HCN1: variants seen among roughly 807,000 people sequenced by gnomAD.
HCN1 encodes hyperpolarization activated cyclic nucleotide gated potassium channel 1.
Under a neutral mutation model 78.9 loss-of-function variants are expected in HCN1, and 13 were observed. The observed-to-expected ratio is 0.16, with a 90% CI of 0.11 to 0.26. The LOEUF (loss-of-function observed/expected upper bound fraction) is 0.26. HCN1 is among the 10% of genes least tolerant of loss of function. HCN1 has a pLI of 1.00. For missense variants in HCN1, 810 were observed against 1,154.3 expected (o/e 0.70, Z 4.32); for synonymous variants, 552 against 455.5 (o/e 1.21, Z -2.70).
chr5:45,607,744 C>T (rs1744751574), intron 2 of HCN1, among the ~76,000 whole-genome samples: 1 of 151,386 alleles, frequency 6.6e-6, no homozygotes, highest in Non-Finnish European at 1.5e-5. Context: ...CAACTTACTG[C>T]CTTTAATAAA....
intron 6 of HCN1, among the ~76,000 whole-genome samples, chr5:45,285,683 C>T (rs1248947608): frequency 2.6e-5 from 4 of 151,938 alleles, no homozygotes; most frequent in Admixed American, 1.3e-4. Context: ...GTCCTCTTCA[C>T]GATTTCAGTG....
At chr5:45,306,802 A>G (rs1370462404) in intron 5 of HCN1, among the ~76,000 whole-genome samples, 1 of 152,114 alleles carries the variant, frequency 6.6e-6, no homozygotes, top group Non-Finnish European at 1.5e-5. Context: ...TTATCAAAAT[A>G]TCAGGATTGA....
intron 2 of HCN1, among the ~76,000 whole-genome samples, chr5:45,592,253 A>C (rs1194428972): frequency 6.6e-6 from 1 of 152,088 alleles, no homozygotes; most frequent in Non-Finnish European, 1.5e-5. Context: ...TGTTTTAAGT[A>C]TTGGAAATCT....
intron 3 of HCN1, 53 bp downstream of exon 3, chr5:45,461,793 G>A: frequency 6.9e-7 from 1 of 1,448,964 alleles, no homozygotes; most frequent in East Asian, 2.3e-5. Context: ...TTACTTAAAA[G>A]GTTTTGGCAC....
intron 1 of HCN1, among the ~76,000 whole-genome samples, chr5:45,665,673 A>G (rs1265133089): frequency 6.6e-6 from 1 of 152,092 alleles, no homozygotes; most frequent in Admixed American, 6.6e-5. Context: ...TTCTTAAAAT[A>G]ATAATTTTGT....
At chr5:45,375,275 ATATAT>A (rs1216749933) in intron 4 of HCN1, among the ~76,000 whole-genome samples, 2 of 121,012 alleles carry the variant, frequency 1.7e-5, no homozygotes, top group African/African-American at 3.2e-5. Flanking sequence ...ATAATATATA[ATATAT>A]TATACATAAT....
At chr5:45,370,920 G>T (rs1747340778) in intron 4 of HCN1, among the ~76,000 whole-genome samples, 1 of 152,024 alleles carries the variant, frequency 6.6e-6, no homozygotes, top group Non-Finnish European at 1.5e-5. Context: ...TCTTTTTACT[G>T]ATTCTCCATA....
intron 3 of HCN1, among the ~76,000 whole-genome samples, chr5:45,404,009 T>C (rs776515795): frequency 3.1e-4 from 47 of 152,186 alleles, no homozygotes; most frequent in Non-Finnish European, 6.8e-4. Flanking sequence ...CTCATTTTTA[T>C]AAGCCTACAA....
Position 45,485,835 on chromosome 5 carries a change from T to A in HCN1, c.850-23828A>T, listed in dbSNP as rs900200209. Among the ~76,000 whole-genome samples, 6 of 152,136 alleles carry A rather than the reference T, an allele frequency of 3.9e-5. No homozygotes were observed. The East Asian group carries it at 9.6e-4, about 24-fold the overall frequency. ...AGGTCACTAAAGAAGCATCAACAGA[T>A]GGTATCAGCAATGATAACTACATGT... On this transcript the variant is annotated intron_variant, in intron 2 of 7. Coordinates refer to ENST00000303230, the MANE Select transcript of HCN1 (RefSeq NM_021072.4).
At chr5:45,484,846 C>G (rs1029663055) in intron 2 of HCN1, among the ~76,000 whole-genome samples, 3 of 152,130 alleles carry the variant, frequency 2.0e-5, no homozygotes, top group Admixed American at 2.0e-4. Context: ...TGGTCCAGAA[C>G]TGAGTACTGA....
At chr5:45,593,859 A>G (rs1744436042) in intron 2 of HCN1, among the ~76,000 whole-genome samples, 1 of 152,008 alleles carries the variant, frequency 6.6e-6, no homozygotes. Flanking sequence ...TATTTTTAGT[A>G]GAGATAGAGT....
Position 45,371,754 on chromosome 5 carries a change from C to T in HCN1, c.1231-18508G>A, listed in dbSNP as rs533369562. Among the ~76,000 whole-genome samples, 6 of 139,012 alleles carry T rather than the reference C, an allele frequency of 4.3e-5. No individual in the cohort carries two copies. In the South Asian group the frequency reaches 1.3e-3, roughly 30 times the overall value. 91.2% of individuals were successfully genotyped at this position (139,012 alleles called of 152,430 possible). On this transcript the variant is annotated intron_variant, in intron 4 of 7. Transcript: ENST00000303230. The stretch of plus-strand genomic sequence containing the variant: ...CCTGGGTGACAGTGAGAGACTCCAT[C>T]TCAAAAAAAAAAATATATATATATA...
At chr5:45,362,452 T>A (rs1747134725) in intron 4 of HCN1, among the ~76,000 whole-genome samples, 1 of 152,112 alleles carries the variant, frequency 6.6e-6, no homozygotes, top group Admixed American at 6.6e-5. Flanking sequence ...AATCTATTTT[T>A]TCTCCTTCTG....
intron 5 of HCN1, among the ~76,000 whole-genome samples, chr5:45,346,024 G>T (rs1020343408): frequency 6.6e-6 from 1 of 152,212 alleles, no homozygotes; most frequent in African/African-American, 2.4e-5. Context: ...GGCAGAAGGG[G>T]AAGCAAACAC....
intron 3 of HCN1, among the ~76,000 whole-genome samples, chr5:45,405,144 C>T (rs1739895987): frequency 1.3e-5 from 2 of 152,072 alleles, no homozygotes; most frequent in African/African-American, 2.4e-5. Flanking sequence ...TTTTTTCCTG[C>T]AGTCATTGCA....
At chr5:45,272,293 T>C (rs1429123672) in intron 6 of HCN1, among the ~76,000 whole-genome samples, 11 of 152,034 alleles carry the variant, frequency 7.2e-5, no homozygotes, top group Non-Finnish European at 1.2e-4. Context: ...AAATAAAGGA[T>C]ATATATAGAA....
At chr5:45,448,193 G>T (rs970534816) in intron 3 of HCN1, among the ~76,000 whole-genome samples, 3 of 151,642 alleles carry the variant, frequency 2.0e-5, no homozygotes, top group African/African-American at 7.3e-5. Flanking sequence ...CATTTTAATT[G>T]CTTATTAAAG....
At chr5:45,510,637 T>C (rs927707326) in intron 2 of HCN1, among the ~76,000 whole-genome samples, 2 of 152,042 alleles carry the variant, frequency 1.3e-5, no homozygotes, top group African/African-American at 4.8e-5. Context: ...CTCGTTTAAG[T>C]TTTGGCATCC....
chr5:45,618,766 T>C (rs1745001647), intron 2 of HCN1, among the ~76,000 whole-genome samples: 1 of 152,020 alleles, frequency 6.6e-6, no homozygotes, highest in Non-Finnish European at 1.5e-5. Flanking sequence ...ATAGGTGAGC[T>C]GATAGAGAGT....
Sources: gnomAD v4.1 joint callset for allele counts (sites outside exome capture counted in the v4.1 genomes callset) on GRCh38, gnomAD v4.1.1 for gene constraint, MANE v1.5 for transcripts, NCBI Gene and HGNC (gene_info 2026-07-23, HGNC 2026-07-21) for gene names.